The following DYNC2LI1 variants were observed in gnomAD, a reference collection of about 807,000 sequenced individuals.
The protein encoded by DYNC2LI1 is cytoplasmic dynein 2 light intermediate chain 1.
In DYNC2LI1, 45 loss-of-function variants were observed where a neutral mutation model predicts 51.9. That is an observed-to-expected ratio of 0.87 (90% CI 0.68 to 1.11). The LOEUF (loss-of-function observed/expected upper bound fraction) is 1.11. Among genes scored for constraint, DYNC2LI1 ranks in the 50% most tolerant of loss-of-function variants. DYNC2LI1 has a pLI of 0.00. For synonymous variants in DYNC2LI1, 130 were observed against 137.8 expected (o/e 0.94, Z 0.40); for missense variants, 490 against 417.4 (o/e 1.17, Z -1.51).
intron 1 of DYNC2LI1, chr2:43,775,854 ATTTTTTTT>A (rs57868887): frequency 0.012 from 623 of 50,446 alleles, 13 homozygotes; most frequent in African/African-American, 0.053. Context: ...CACCTGGCCA[ATTTTTTTT>A]TTTTTTTTTT....
chr2:43,828,200 C>T, the DYNC2LI1 span: 1 of 1,592,046 alleles, frequency 6.3e-7, no homozygotes, highest in Non-Finnish European at 8.6e-7. Flanking sequence ...ATGAAAGAGG[C>T]AGCACACCGC....
chr2:43,794,078 T>C (rs1026251497), intron 5 of DYNC2LI1: 26 of 180,934 alleles, frequency 1.4e-4, no homozygotes, highest in African/African-American at 5.7e-4. Flanking sequence ...CTCCTTTACC[T>C]GATTATTGTG....
At chr2:43,785,276 A>G (rs1392612471) in intron 3 of DYNC2LI1, among the ~76,000 whole-genome samples, 1 of 152,186 alleles carries the variant, frequency 6.6e-6, no homozygotes, top group Non-Finnish European at 1.5e-5. Context: ...TCTAGCCTGC[A>G]TGACAGAGTG....
At chr2:43,794,235 T>C (rs1174996480) in intron 5 of DYNC2LI1, 11 of 418,362 alleles carry the variant, frequency 2.6e-5, no homozygotes, top group Non-Finnish European at 4.6e-5. Context: ...AAACAGAAAC[T>C]TAGTTCCACT....
In DYNC2LI1 at chr2:43,776,825, G is replaced by A. The variant is rs1426030030; in HGVS notation, c.52G>A (p.Gly18Arg). Residue 18 changes from glycine to arginine, a missense_variant, in exon 2 of 13, where the codon GGA becomes AGA. Coordinates refer to ENST00000260605, the MANE Select transcript of DYNC2LI1 (RefSeq NM_016008.4). The part of the protein sequence containing the change: ...EIAKAEVEKR[G>R]INGSEGDGAE... ...TGCAAAAGCTGAAGTGGAAAAAAGGGGAATTAATGGAAGTGAAGGTGATGG... is the reference window on the plus strand; with the variant it reads ...TGCAAAAGCTGAAGTGGAAAAAAGGAGAATTAATGGAAGTGAAGGTGATGG... 4 of 1,598,964 alleles carry A rather than the reference G, an allele frequency of 2.5e-6. No individual in the cohort carries two copies. The highest frequency in any genetic ancestry group is 3.4e-6 in the Non-Finnish European group (4 of 1,172,938).
chr2:43,804,802 G>A lies in DYNC2LI1; in HGVS notation c.900+63G>A, dbSNP rs576560891. The A allele has an allele frequency of 7.4e-6, 7 of 945,622 alleles. No individual in the cohort carries two copies. The African/African-American group carries it at 1.0e-4, about 14-fold the overall frequency. The allele number at this position is 945,622 out of a possible 1,614,324, so 58.6% of individuals were successfully genotyped here. A position where few individuals can be genotyped will look rare whatever the true frequency, so the allele number is the denominator to read the frequency against. Reference sequence around the variant, plus strand: ...GCACTGTCTAACAGTTATAGGAAATGTGTCAAAGGGCTTATTATGATAACT... The same window carrying A: ...GCACTGTCTAACAGTTATAGGAAATATGTCAAAGGGCTTATTATGATAACT... On this transcript the variant is annotated intron_variant, in intron 11 of 12. Transcript: ENST00000260605.
intron 12 of DYNC2LI1, 142 bp downstream of exon 12, chr2:43,805,388 T>C: frequency 2.0e-6 from 1 of 501,350 alleles, no homozygotes; most frequent in Non-Finnish European, 3.5e-6. Context: ...AGTACATCTA[T>C]TTAAATAACA....
chr2:43,797,436 A>G lies in DYNC2LI1; in HGVS notation c.654+641A>G, dbSNP rs75371053. Among the ~76,000 whole-genome samples, 1,389 of 150,904 alleles carry G rather than the reference A, an allele frequency of 9.2e-3. 26 individuals are homozygous for G. Among genetic ancestry groups the G allele is most frequent in the African/African-American group, 0.032 (1,322 of 41,166 alleles). On this transcript the variant is annotated intron_variant, in intron 8 of 12. Coordinates refer to ENST00000260605, the MANE Select transcript of DYNC2LI1 (RefSeq NM_016008.4). ...GAATATTACTCAATAAATGTTGGTT[A>G]TTATATCACTGTTATCATTATCTCC...
chr2:43,815,911 A>AAG, the DYNC2LI1 span, among the ~76,000 whole-genome samples: 1 of 50,122 alleles, frequency 2.0e-5, no homozygotes, highest in Non-Finnish European at 3.5e-5. Flanking sequence ...ACAGGAAAAG[A>AAG]AAAAAAAAAA....
intron 3 of DYNC2LI1, among the ~76,000 whole-genome samples, chr2:43,784,699 A>T (rs1673440902): frequency 6.6e-6 from 1 of 152,054 alleles, no homozygotes; most frequent in African/African-American, 2.4e-5. Context: ...CTCCCAAAGT[A>T]CTGGGAATCC....
Position 43,785,697 on chromosome 2 carries a change from G to A in DYNC2LI1, c.162-1484G>A, listed in dbSNP as rs547570922. On this transcript the variant is annotated intron_variant, in intron 3 of 12. Transcript: ENST00000260605. ...TGCAGTGACCCAAGATTGTGCCACT[G>A]CAAAAAAAATAAATAAATAAAATAA... Among the ~76,000 whole-genome samples the A allele has an allele frequency of 7.7e-4, 112 of 144,854 alleles. 3 individuals are homozygous for A. In the South Asian group the frequency reaches 0.024, roughly 31 times the overall value.
At position 43,774,145 on chromosome 2, in the gene DYNC2LI1, A is replaced by G; in HGVS notation, c.7A>G (p.Ser3Gly). The part of the protein sequence containing the change: MP[S>G]ETLWEIAKAE... ...GGCAGCCAGGCCGTCGACGATGCCCAGGTATTCCCTGAACCCGGCTTGCGT... is the reference window on the plus strand; with the variant it reads ...GGCAGCCAGGCCGTCGACGATGCCCGGGTATTCCCTGAACCCGGCTTGCGT... Residue 3 changes from serine (S) to glycine (G), a missense_variant and splice_region_variant, in exon 1 of 13, where the codon AGT becomes GGT. By Grantham distance (56) the Ser-to-Gly change is moderately conservative. Coordinates refer to ENST00000260605, the MANE Select transcript of DYNC2LI1 (RefSeq NM_016008.4). 3 of 1,614,054 alleles carry G rather than the reference A, an allele frequency of 1.9e-6. No homozygotes were observed. Among genetic ancestry groups the G allele is most frequent in the Non-Finnish European group, 2.5e-6 (3 of 1,179,990 alleles).
chr2:43,812,276 T>C (rs1666518084), downstream of DYNC2LI1, among the ~76,000 whole-genome samples: 1 of 151,818 alleles, frequency 6.6e-6, no homozygotes, highest in Non-Finnish European at 1.5e-5. Context: ...CTTAATGGGG[T>C]TATTTCTCAG....
chr2:43,824,964 G>A, the DYNC2LI1 span: 1 of 1,613,916 alleles, frequency 6.2e-7, no homozygotes, highest in Non-Finnish European at 8.5e-7. Flanking sequence ...ATTTCCGCTG[G>A]CGTGCCACAG....
intron 2 of DYNC2LI1, among the ~76,000 whole-genome samples, chr2:43,778,627 A>G (rs1469368441): frequency 6.6e-6 from 1 of 152,202 alleles, no homozygotes; most frequent in Non-Finnish European, 1.5e-5. Flanking sequence ...TATTACAGAA[A>G]ACATTCTGTA....
chr2:43,799,127 T>A (rs1460922639), intron 8 of DYNC2LI1, among the ~76,000 whole-genome samples: 1 of 152,076 alleles, frequency 6.6e-6, no homozygotes, highest in Non-Finnish European at 1.5e-5. Flanking sequence ...AAATGAGACC[T>A]TGTCTTGACA....
chr2:43,827,325 CAA>C, the DYNC2LI1 span, among the ~76,000 whole-genome samples: 22 of 112,202 alleles, frequency 2.0e-4, no homozygotes, highest in Admixed American at 3.8e-4. Flanking sequence ...AACTCTGTCT[CAA>C]AAAAAAAAAA....
chr2:43,811,193 A>G (rs1666468352), downstream of DYNC2LI1, among the ~76,000 whole-genome samples: 2 of 152,214 alleles, frequency 1.3e-5, no homozygotes, highest in African/African-American at 4.8e-5. Context: ...TTAATAGATT[A>G]TCATCTCCAG....
At chr2:43,805,084 T>C (rs1423026041) in intron 11 of DYNC2LI1, 70 bp from the exon 12 acceptor site, 2 of 991,372 alleles carry the variant, frequency 2.0e-6, no homozygotes, top group Non-Finnish European at 3.1e-6. Context: ...GAGCTTGGTT[T>C]ATTAGGCAGA....
Sources: allele counts gnomAD v4.1 joint callset (sites outside exome capture counted in the v4.1 genomes callset), GRCh38; gene constraint gnomAD v4.1.1; transcripts MANE v1.5; gene names NCBI Gene and HGNC (gene_info 2026-07-23, HGNC 2026-07-21).